ANKRD26: variants seen among roughly 807,000 people sequenced by gnomAD.
ANKRD26 encodes ankyrin repeat domain-containing protein 26.
ANKRD26 carries 141 observed loss-of-function variants against 208.7 expected under a neutral mutation model. The ratio of observed to expected loss-of-function variants is 0.68; its 90% CI spans 0.59 to 0.78. ANKRD26 has a LOEUF of 0.78. ANKRD26 is among the 30% of genes least tolerant of loss of function. The probability of loss-of-function intolerance (pLI) is 0.00; values close to 1 mark genes in which losing one functional copy is unlikely to be tolerated. For synonymous variants in ANKRD26, 636 were observed against 660.4 expected (o/e 0.96, Z 0.57); for missense variants, 1,889 against 1,938.7 (o/e 0.97, Z 0.48).
At chr10:27,029,624 T>C (rs967109843) in intron 25 of ANKRD26, among the ~76,000 whole-genome samples, 3 of 152,230 alleles carry the variant, frequency 2.0e-5, no homozygotes, top group African/African-American at 4.8e-5. Context: ...TTACTCTTGT[T>C]TTCAAACTAT....
At chr10:27,066,589 A>G in intron 10 of ANKRD26, 41 bp from the exon 11 acceptor site, 3 of 1,372,478 alleles carry the variant, frequency 2.2e-6, no homozygotes, top group Admixed American at 1.8e-5. Flanking sequence ...GAGAACATTT[A>G]CTATTGTAAA....
chr10:26,993,635 T>G (rs1397260443), intron 5 of ANKRD26, among the ~76,000 whole-genome samples: 1 of 152,210 alleles, frequency 6.6e-6, no homozygotes. Flanking sequence ...CTGAAAACCT[T>G]TTCCCATGTG....
At chr10:27,015,282 A>G (rs1333740026) in intron 30 of ANKRD26, among the ~76,000 whole-genome samples, 2 of 152,242 alleles carry the variant, frequency 1.3e-5, no homozygotes, top group Non-Finnish European at 2.9e-5. Context: ...TGCTGTGCGC[A>G]TCAATACATG....
At chr10:26,963,307 C>T in the ANKRD26 span, among the ~76,000 whole-genome samples, 1 of 152,142 alleles carries the variant, frequency 6.6e-6, no homozygotes, top group African/African-American at 2.4e-5. Flanking sequence ...TCAATTCCTG[C>T]AAACTGACCT....
At position 27,033,339 on chromosome 10, in the gene ANKRD26, G is replaced by A; in HGVS notation, c.3693C>T (p.Thr1231=). ...VRQLQQELAD[T]LKKQSMSEAS... The stretch of plus-strand genomic sequence containing the variant: ...CCTCTGACATAGATTGTTTTTTTAG[G>A]GTATCAGCTAGTTCTTGTTGAAGTT... The change falls in exon 25 of 34, where the codon ACC becomes ACT. Residue 1231 remains threonine (T), a synonymous_variant. Transcript: ENST00000376087. 1.9e-6 allele frequency: 3 copies of A among 1,610,464 alleles called. No individual in the cohort carries two copies. The highest frequency in any genetic ancestry group is 2.5e-6 in the Non-Finnish European group (3 of 1,177,844).
At chr10:27,013,883 C>G (rs2053202346) in intron 31 of ANKRD26, among the ~76,000 whole-genome samples, 1 of 152,226 alleles carries the variant, frequency 6.6e-6, no homozygotes, top group South Asian at 2.1e-4. Context: ...TTTCCACACA[C>G]TCCCTCAGGC....
chr10:27,020,253 T>C (rs117429411), intron 29 of ANKRD26, among the ~76,000 whole-genome samples: 46 of 152,360 alleles, frequency 3.0e-4, no homozygotes, highest in South Asian at 1.2e-3. Context: ...AATTAGCATA[T>C]CCATCACCTC....
chr10:27,054,002 AT>A (rs918599272), intron 15 of ANKRD26, among the ~76,000 whole-genome samples: 91 of 151,914 alleles, frequency 6.0e-4, no homozygotes, highest in African/African-American at 2.1e-3. Context: ...ATTTTGACAA[AT>A]TTTTTTTCAT....
intron 16 of ANKRD26, chr10:27,051,357 T>A (rs2054653679): frequency 1.6e-6 from 2 of 1,253,412 alleles, no homozygotes; most frequent in African/African-American, 1.6e-5. Context: ...GTGAAACATA[T>A]GATTCATTTC....
At chr10:26,953,343 G>A in the ANKRD26 span, among the ~76,000 whole-genome samples, 1 of 152,164 alleles carries the variant, frequency 6.6e-6, no homozygotes, top group Non-Finnish European at 1.5e-5. Context: ...ATGTTTGCTT[G>A]AGCCCAGAAG....
chr10:27,034,358 C>G (rs12769694), intron 24 of ANKRD26, among the ~76,000 whole-genome samples: 14,191 of 152,184 alleles, frequency 0.093, 790 homozygotes, highest in East Asian at 0.28. Context: ...TTCAGTTTAT[C>G]TGGAAATCTG....
chr10:26,993,854 T>C (rs2052532588), intron 5 of ANKRD26, among the ~76,000 whole-genome samples: 1 of 152,208 alleles, frequency 6.6e-6, no homozygotes, highest in South Asian at 2.1e-4. Context: ...CTTTTTATAA[T>C]CTGTCTGCAT....
chr10:27,087,754 T>A (rs1317032260), intron 4 of ANKRD26, among the ~76,000 whole-genome samples: 2 of 152,218 alleles, frequency 1.3e-5, no homozygotes, highest in Non-Finnish European at 2.9e-5. Flanking sequence ...TTAATCTTCA[T>A]GTTCATCATT....
downstream of ANKRD26, among the ~76,000 whole-genome samples, chr10:27,002,937 T>TA (rs35830493): frequency 0.2 from 30,579 of 152,166 alleles, 3,671 homozygotes; most frequent in East Asian, 0.56. Context: ...TAATCTTTCC[T>TA]AATATATGTA....
chr10:27,043,321 C>A, intron 20 of ANKRD26, 105 bp downstream of exon 20: 1 of 1,309,406 alleles, frequency 7.6e-7, no homozygotes, highest in Non-Finnish European at 1.1e-6. Context: ...TCATAGCCAC[C>A]AATGAAGCAC....
downstream of ANKRD26, among the ~76,000 whole-genome samples, chr10:26,969,626 A>T (rs1365059228): frequency 6.6e-6 from 1 of 152,194 alleles, no homozygotes; most frequent in East Asian, 1.9e-4. Context: ...CACTAATTCC[A>T]AACAAGTTAT....
intron 4 of ANKRD26, among the ~76,000 whole-genome samples, chr10:26,981,927 A>G (rs2052315120): frequency 6.6e-6 from 1 of 152,150 alleles, no homozygotes; most frequent in African/African-American, 2.4e-5. Flanking sequence ...TTAGACCCTA[A>G]TTATGTTCCT....
Position 27,005,304 on chromosome 10 carries a change from T to C in ANKRD26, c.*286A>G. On this transcript the variant is annotated 3_prime_UTR_variant, in exon 34 of 34. Transcript: ENST00000376087. ...AAAATTACAAAATACAAATAAGCCA[T>C]CAATTAACTGCACTAAAGTATTAAT... The C allele has an allele frequency of 9.1e-7, 1 of 1,096,552 alleles. No homozygotes were observed. The highest frequency in any genetic ancestry group is 1.1e-6 in the Non-Finnish European group (1 of 898,496). The allele number at this position is 1,096,552 out of a possible 1,614,324, so 67.9% of individuals were successfully genotyped here.
At chr10:26,957,235 A>G in the ANKRD26 span, among the ~76,000 whole-genome samples, 1 of 152,124 alleles carries the variant, frequency 6.6e-6, no homozygotes, top group African/African-American at 2.4e-5. Context: ...TGGCTGTACA[A>G]AAATTAGCCA....
Sources: gnomAD v4.1 joint callset for allele counts (sites outside exome capture counted in the v4.1 genomes callset) on GRCh38, gnomAD v4.1.1 for gene constraint, MANE v1.5 for transcripts, NCBI Gene and HGNC (gene_info 2026-07-23, HGNC 2026-07-21) for gene names.